Variants in CENPP observed in about 807,000 individuals in gnomAD.
CENPP encodes centromere protein P.
CENPP carries 24 observed loss-of-function variants against 35.6 expected under a neutral mutation model. The observed-to-expected ratio is 0.67, with a 90% CI of 0.49 to 0.95. The LOEUF is 0.95. CENPP is among the 40% of genes least tolerant of loss of function. CENPP has a pLI of 0.00. For synonymous variants in CENPP, 120 were observed against 125.5 expected (o/e 0.96, Z 0.29); for missense variants, 332 against 345.3 (o/e 0.96, Z 0.31).
intron 5 of CENPP, chr9:92,466,590 G>C (rs1014804612): frequency 1.6e-5 from 26 of 1,592,366 alleles, no homozygotes; most frequent in Non-Finnish European, 1.9e-5. Flanking sequence ...AGCATAGAAA[G>C]TTACACAATA....
chr9:92,565,307 A>G (rs1454872931), intron 5 of CENPP, among the ~76,000 whole-genome samples: 1 of 150,552 alleles, frequency 6.6e-6, no homozygotes, highest in Admixed American at 6.6e-5. Flanking sequence ...AAAAAAAAAA[A>G]AAAAAAAAAA....
At chr9:92,387,053 G>GAAAAAAAA (rs903436031) in intron 5 of CENPP, among the ~76,000 whole-genome samples, 4 of 50,162 alleles carry the variant, frequency 8.0e-5, no homozygotes, top group African/African-American at 8.0e-5. Flanking sequence ...GTCTCAAAAA[G>GAAAAAAAA]AAAAAAAAAA....
At chr9:92,386,900 T>G (rs921793752) in intron 5 of CENPP, among the ~76,000 whole-genome samples, 8 of 150,808 alleles carry the variant, frequency 5.3e-5, no homozygotes, top group Non-Finnish European at 1.0e-4. Context: ...TACAAAAAAT[T>G]AGACAGGCGT....
chr9:92,467,193 G>A (rs1845346568), intron 5 of CENPP, among the ~76,000 whole-genome samples: 1 of 152,198 alleles, frequency 6.6e-6, no homozygotes, highest in Admixed American at 6.5e-5. Flanking sequence ...ATCCTCCAGA[G>A]GAGGTCTAAT....
At chr9:92,365,430 A>G (rs1353133132) in intron 4 of CENPP, among the ~76,000 whole-genome samples, 1 of 67,834 alleles carries the variant, frequency 1.5e-5, no homozygotes, top group East Asian at 5.3e-4. Flanking sequence ...TTTTTTTTTG[A>G]GACAGAGTCT....
chr9:92,599,696 C>T (rs1033365434), intron 5 of CENPP, among the ~76,000 whole-genome samples: 8 of 152,150 alleles, frequency 5.3e-5, no homozygotes, highest in African/African-American at 1.2e-4. Context: ...GGATTACAGG[C>T]GTGAGCCACT....
intron 5 of CENPP, among the ~76,000 whole-genome samples, chr9:92,526,019 A>G (rs1489318603): frequency 6.6e-6 from 1 of 152,072 alleles, no homozygotes; most frequent in African/African-American, 2.4e-5. Context: ...GTTTTAGAGT[A>G]CATGCCTTCT....
At chr9:92,395,446 TC>T (rs1242586811) in intron 5 of CENPP, among the ~76,000 whole-genome samples, 1 of 152,228 alleles carries the variant, frequency 6.6e-6, no homozygotes, top group Non-Finnish European at 1.5e-5. Context: ...TTGGGTTGTT[TC>T]CAGGTTTTCA....
chr9:92,598,438 TCTA>T (rs1319273532), intron 5 of CENPP, among the ~76,000 whole-genome samples: 5 of 152,196 alleles, frequency 3.3e-5, no homozygotes, highest in Non-Finnish European at 7.3e-5. Context: ...GTAGTGGGAA[TCTA>T]CTAGAGGATG....
chr9:92,578,899 A>G (rs1308103267), intron 5 of CENPP, among the ~76,000 whole-genome samples: 4 of 152,250 alleles, frequency 2.6e-5, no homozygotes, highest in East Asian at 3.9e-4. Context: ...GAATGGTAAT[A>G]TCTAGGTTTT....
intron 5 of CENPP, among the ~76,000 whole-genome samples, chr9:92,605,470 T>G (rs1445082396): frequency 6.6e-6 from 1 of 152,164 alleles, no homozygotes; most frequent in African/African-American, 2.4e-5. Context: ...AGATGTTATC[T>G]CTCTATAAAC....
intron 5 of CENPP, among the ~76,000 whole-genome samples, chr9:92,428,463 C>T (rs968232937): frequency 6.6e-6 from 1 of 152,170 alleles, no homozygotes; most frequent in Non-Finnish European, 1.5e-5. Context: ...TCCCACCAAA[C>T]CTTGAGAACC....
chr9:92,347,350 T>C (rs1317485156), intron 4 of CENPP, among the ~76,000 whole-genome samples: 1 of 152,234 alleles, frequency 6.6e-6, no homozygotes, highest in Non-Finnish European at 1.5e-5. Flanking sequence ...CTTCCTGTAA[T>C]AATGAGCATA....
chr9:92,546,365 T>A (rs2007245), intron 5 of CENPP, among the ~76,000 whole-genome samples: 1 of 151,998 alleles, frequency 6.6e-6, no homozygotes, highest in South Asian at 2.1e-4. Context: ...TTTGTTCTTT[T>A]GCTCTTTGCA....
chr9:92,339,466 T>C (rs1841038063), intron 3 of CENPP, among the ~76,000 whole-genome samples: 1 of 152,050 alleles, frequency 6.6e-6, no homozygotes, highest in African/African-American at 2.4e-5. Context: ...AGGCTGAGGA[T>C]GGGCTAGGGG....
At chr9:92,408,262 T>G (rs985804256) in intron 5 of CENPP, among the ~76,000 whole-genome samples, 3 of 152,316 alleles carry the variant, frequency 2.0e-5, no homozygotes, top group Non-Finnish European at 4.4e-5. Context: ...CTCAGCTCAC[T>G]GCAACCTCCG....
chr9:92,475,428 A>G lies in CENPP; in HGVS notation c.564+95569A>G, dbSNP rs190013109. The stretch of plus-strand genomic sequence containing the variant: ...AACAAACCTGGCAGGAATATACCTG[A>G]TTGATGATAAACTCTGGGCACTAGA... On this transcript the variant is annotated intron_variant, in intron 5 of 7. Coordinates refer to ENST00000375587, the MANE Select transcript of CENPP (RefSeq NM_001012267.3). 5.3e-5 allele frequency among the ~76,000 whole-genome samples: 8 copies of G among 152,358 alleles called. 1 individual carries two copies. In the East Asian group the frequency reaches 1.5e-3, roughly 29 times the overall value.
chr9:92,522,723 T>A lies in CENPP; in HGVS notation c.565-88591T>A, dbSNP rs766786749. On this transcript the variant is annotated intron_variant, in intron 5 of 7. Transcript: ENST00000375587. ...GCTGAATTCCAAGCTGTCTGTTTGA[T>A]CTGTGCTTGTGTGAGGTTGAACTTT... 13 of 1,614,184 alleles carry A rather than the reference T, an allele frequency of 8.1e-6. No individual in the cohort carries two copies. The Admixed American group carries it at 2.0e-4, about 25-fold the overall frequency.
At chr9:92,369,555 G>A (rs1000757430) in intron 4 of CENPP, among the ~76,000 whole-genome samples, 1 of 152,190 alleles carries the variant, frequency 6.6e-6, no homozygotes, top group Non-Finnish European at 1.5e-5. Context: ...CACTGAATTG[G>A]TAGATTGCTT....
Sources: allele counts gnomAD v4.1 joint callset (sites outside exome capture counted in the v4.1 genomes callset), GRCh38; gene constraint gnomAD v4.1.1; transcripts MANE v1.5; gene names NCBI Gene and HGNC (gene_info 2026-07-23, HGNC 2026-07-21).